The following CACNA1C variants were observed in gnomAD, a reference collection of about 807,000 sequenced individuals.
The protein encoded by CACNA1C is calcium voltage-gated channel subunit alpha1 C, also known as voltage-dependent L-type calcium channel subunit alpha-1C.
CACNA1C carries 30 observed loss-of-function variants against 229.0 expected under a neutral mutation model. That is an observed-to-expected ratio of 0.13 (90% CI 0.10 to 0.18). The LOEUF is 0.18. CACNA1C is among the 10% of genes least tolerant of loss of function. The probability of loss-of-function intolerance (pLI) is 1.00; values close to 1 mark genes in which losing one functional copy is unlikely to be tolerated. For synonymous variants in CACNA1C, 1,114 were observed against 1,132.5 expected, an observed-to-expected ratio of 0.98 and a Z score of 0.33; for missense variants, 1,658 against 2,845.0, an observed-to-expected ratio of 0.58 and a Z score of 9.49.
intron 5 of CACNA1C, among the ~76,000 whole-genome samples, chr12:2,469,800 C>A (rs2099581011): frequency 6.6e-6 from 1 of 152,170 alleles, no homozygotes; most frequent in Non-Finnish European, 1.5e-5. Context: ...TATATTTATT[C>A]ACTTAATTTT....
At chr12:2,085,333 A>G (rs2067175586) in intron 1 of CACNA1C, among the ~76,000 whole-genome samples, 3 of 152,150 alleles carry the variant, frequency 2.0e-5, no homozygotes, top group Middle Eastern at 3.2e-3. Flanking sequence ...ATGACTTTCA[A>G]ATTTACCTTT....
At chr12:2,159,135 G>A (rs1199956034) in intron 3 of CACNA1C, among the ~76,000 whole-genome samples, 1 of 152,090 alleles carries the variant, frequency 6.6e-6, no homozygotes, top group Non-Finnish European at 1.5e-5. Flanking sequence ...TTGGGGAGGG[G>A]GGTAAGAAGA....
intron 1 of CACNA1C, among the ~76,000 whole-genome samples, chr12:2,096,824 T>C (rs939734055): frequency 1.3e-5 from 2 of 152,258 alleles, no homozygotes; most frequent in African/African-American, 4.8e-5. Flanking sequence ...AGTAGAATTA[T>C]TCAATACATG....
At chr12:2,327,519 C>T (rs1268491952) in intron 3 of CACNA1C, among the ~76,000 whole-genome samples, 1 of 152,160 alleles carries the variant, frequency 6.6e-6, no homozygotes, top group Non-Finnish European at 1.5e-5. Flanking sequence ...CACTGTGGTC[C>T]ACGGTAGAAT....
chr12:2,682,195 G>A (rs1461337338), intron 42 of CACNA1C: 3 of 616,312 alleles, frequency 4.9e-6, no homozygotes, highest in Non-Finnish European at 5.7e-6. Flanking sequence ...GTGGGGGGCA[G>A]CCTCTAAGTT....
At chr12:2,293,575 T>G (rs2093720249) in intron 3 of CACNA1C, among the ~76,000 whole-genome samples, 1 of 152,184 alleles carries the variant, frequency 6.6e-6, no homozygotes, top group African/African-American at 2.4e-5. Flanking sequence ...TTGCATTTAT[T>G]TTTAGCTCAC....
intron 3 of CACNA1C, among the ~76,000 whole-genome samples, chr12:2,360,475 T>C (rs1212925765): frequency 6.6e-6 from 1 of 152,138 alleles, no homozygotes; most frequent in Non-Finnish European, 1.5e-5. Flanking sequence ...ACAAGGGTGC[T>C]GGGAAAAATG....
At chr12:2,449,370 A>G (rs1360254673) in intron 4 of CACNA1C, among the ~76,000 whole-genome samples, 1 of 152,184 alleles carries the variant, frequency 6.6e-6, no homozygotes, top group Non-Finnish European at 1.5e-5. Flanking sequence ...TACCCAGGAA[A>G]AGGAGGGGTC....
chr12:2,135,780 C>G lies in CACNA1C; in HGVS notation c.477+15350C>G, dbSNP rs544423267. 8.9e-5 allele frequency among the ~76,000 whole-genome samples: 13 copies of G among 146,776 alleles called. 1 individual carries two copies. Among genetic ancestry groups the G allele is most frequent in the South Asian group, 8.5e-4 (4 of 4,696 alleles). ...TTTTTGTTTGTCTGTGCCCTGCCCC[C>G]AGAGGTGGAGCCTACAGAGGCAGGC... On this transcript the variant is annotated intron_variant, in intron 3 of 46. Transcript: ENST00000399655.
At chr12:2,326,286 A>G (rs1315893461) in intron 3 of CACNA1C, among the ~76,000 whole-genome samples, 1 of 152,220 alleles carries the variant, frequency 6.6e-6, no homozygotes, top group Non-Finnish European at 1.5e-5. Flanking sequence ...TCTCATGTTC[A>G]TTAACCATCA....
Position 2,493,119 on chromosome 12 carries a change from T to G in CACNA1C, c.917-71T>G. On this transcript the variant is annotated intron_variant, in intron 6 of 46. Coordinates refer to ENST00000399655, the MANE Select transcript of CACNA1C (RefSeq NM_000719.7). The surrounding 1 kb of genome is among the most constrained non-coding windows in gnomAD (Gnocchi z 4.6). ...AACCTCATCCTGTCACTTTTCTCTC[T>G]GACTTCTTTCTCTGCCCACATCTCT... 7.4e-7 allele frequency: 1 copy of G among 1,360,424 alleles called. No homozygotes were observed. The highest frequency in any genetic ancestry group is 1.0e-6 in the Non-Finnish European group (1 of 958,956). The allele number at this position is 1,360,424 out of a possible 1,614,324, so 84.3% of individuals were successfully genotyped here.
At chr12:2,528,005 C>CCTTA (rs2099826370) in intron 9 of CACNA1C, among the ~76,000 whole-genome samples, 1 of 152,162 alleles carries the variant, frequency 6.6e-6, no homozygotes, top group South Asian at 2.1e-4. Context: ...TTCCATAATC[C>CCTTA]CTTAGTAAAC....
intron 30 of CACNA1C, chr12:2,641,706 C>A (rs748778665): frequency 1.4e-6 from 1 of 702,474 alleles, no homozygotes; most frequent in South Asian, 1.5e-5. Context: ...GATCATTGTA[C>A]CTTGAAGAGA....
intron 3 of CACNA1C, among the ~76,000 whole-genome samples, chr12:2,335,341 C>T (rs1311943878): frequency 6.6e-6 from 1 of 152,108 alleles, no homozygotes; most frequent in African/African-American, 2.4e-5. Flanking sequence ...TGAAAACAAA[C>T]ATCTGTGATT....
intron 3 of CACNA1C, among the ~76,000 whole-genome samples, chr12:2,400,847 C>T (rs770677272): frequency 2.0e-4 from 31 of 152,210 alleles, no homozygotes; most frequent in African/African-American, 5.3e-4. Context: ...GAAGGAGGCA[C>T]AGCAGCTACA....
chr12:1,985,415 T>C (rs771541082), intron 1 of CACNA1C, among the ~76,000 whole-genome samples: 29 of 152,184 alleles, frequency 1.9e-4, no homozygotes, highest in Admixed American at 3.3e-4. Flanking sequence ...ATCCAAGAAA[T>C]AGTATATTAT....
chr12:2,634,431 T>C, intron 30 of CACNA1C, 51 bp downstream of exon 30: 2 of 873,038 alleles, frequency 2.3e-6, no homozygotes, highest in Admixed American at 5.4e-5. Context: ...CTAACACTCA[T>C]TTGCCTTTTC....
At chr12:2,074,082 A>G (rs1373704610) in intron 1 of CACNA1C, among the ~76,000 whole-genome samples, 2 of 152,234 alleles carry the variant, frequency 1.3e-5, no homozygotes, top group Admixed American at 6.5e-5. Flanking sequence ...TTATACAGCA[A>G]GTTGATTCAA....
At chr12:2,330,512 C>T (rs997432079) in intron 3 of CACNA1C, among the ~76,000 whole-genome samples, 12 of 152,098 alleles carry the variant, frequency 7.9e-5, no homozygotes, top group African/African-American at 2.9e-4. Flanking sequence ...ACTGATTAGC[C>T]CCATTTTACA....
Sources: gnomAD v4.1 joint callset for allele counts (sites outside exome capture counted in the v4.1 genomes callset) on GRCh38, gnomAD v4.1.1 for gene constraint, Gnocchi (gnomAD v3.1) non-coding constraint, MANE v1.5 for transcripts, NCBI Gene and HGNC (gene_info 2026-07-23, HGNC 2026-07-21) for gene names.